The following DOCK8 variants were observed in gnomAD, a reference collection of about 807,000 sequenced individuals.
The protein encoded by DOCK8 is dedicator of cytokinesis 8, also known as dedicator of cytokinesis protein 8.
DOCK8 carries 141 observed loss-of-function variants against 245.6 expected under a neutral mutation model. That is an observed-to-expected ratio of 0.57 (90% CI 0.50 to 0.66). The LOEUF is 0.66. DOCK8 is among the 30% of genes least tolerant of loss of function. The pLI is 0.00. For missense variants in DOCK8, 2,965 were observed against 2,603.4 expected (o/e 1.14, Z -3.02); for synonymous variants, 1,168 against 970.2 (o/e 1.20, Z -3.79).
chr9:415,717 A>T (rs539276177), intron 29 of DOCK8, among the ~76,000 whole-genome samples: 1 of 123,030 alleles, frequency 8.1e-6, no homozygotes, highest in Admixed American at 8.3e-5. Flanking sequence ...CACAATTCCT[A>T]TCCCATCAGA....
chr9:384,831 G>T (rs2053882180), intron 22 of DOCK8, among the ~76,000 whole-genome samples: 1 of 152,146 alleles, frequency 6.6e-6, no homozygotes, highest in Admixed American at 6.5e-5. Context: ...CAGGAGAATG[G>T]CGTGAACCCG....
chr9:439,911 C>T (rs1587054852), intron 40 of DOCK8, among the ~76,000 whole-genome samples: 1 of 152,134 alleles, frequency 6.6e-6, no homozygotes, highest in Non-Finnish European at 1.5e-5. Flanking sequence ...ACTGAGACTC[C>T]TCTGGTTAAC....
chr9:282,407 CG>C (rs1242240037), intron 2 of DOCK8, among the ~76,000 whole-genome samples: 24 of 134,424 alleles, frequency 1.8e-4, no homozygotes, highest in African/African-American at 6.7e-4. Flanking sequence ...CTTTTTGTTT[CG>C]TTTTGTTTTT....
chr9:425,324 A>G (rs2056440710), intron 33 of DOCK8, among the ~76,000 whole-genome samples: 4 of 152,226 alleles, frequency 2.6e-5, no homozygotes, highest in African/African-American at 9.6e-5. Flanking sequence ...CGAGGTCAGG[A>G]GATCGAGACC....
At chr9:277,454 A>AGAG (rs2048391469) in intron 2 of DOCK8, among the ~76,000 whole-genome samples, 2 of 63,508 alleles carry the variant, frequency 3.1e-5, no homozygotes, top group African/African-American at 2.3e-4. Flanking sequence ...AGGAGAAGAG[A>AGAG]AAGAGAGAAG....
intron 1 of DOCK8, among the ~76,000 whole-genome samples, chr9:231,560 A>G (rs983487157): frequency 1.3e-5 from 2 of 152,004 alleles, no homozygotes; most frequent in Admixed American, 6.6e-5. Flanking sequence ...ATTTGTTTGT[A>G]TCCTCTTTTA....
chr9:305,317 C>G (rs1444474710), intron 5 of DOCK8, among the ~76,000 whole-genome samples: 1 of 151,158 alleles, frequency 6.6e-6, no homozygotes, highest in Non-Finnish European at 1.5e-5. Flanking sequence ...GAGTCTCGCT[C>G]TGTCGCCCAG....
In DOCK8 at chr9:270,220, G is replaced by T. The variant is rs1256992062; in HGVS notation, c.54-1407G>T. Among the ~76,000 whole-genome samples the T allele has an allele frequency of 2.0e-5, 3 of 152,294 alleles. No individual in the cohort carries two copies. The South Asian group carries it at 6.2e-4, about 32-fold the overall frequency. ...GCTGTAGAAAATTAAGGAGCAAAAT[G>T]TATGCTTGCAGCTACAGCTTCCTCT... On this transcript the variant is annotated intron_variant, in intron 1 of 47. Transcript: ENST00000432829.
At chr9:410,466 C>T (rs2055671088) in intron 28 of DOCK8, among the ~76,000 whole-genome samples, 1 of 151,988 alleles carries the variant, frequency 6.6e-6, no homozygotes, top group Non-Finnish European at 1.5e-5. Context: ...ATTTGGGCTG[C>T]TTTCTATTTG....
At chr9:245,372 T>C (rs1293568064) in intron 1 of DOCK8, among the ~76,000 whole-genome samples, 1 of 151,956 alleles carries the variant, frequency 6.6e-6, no homozygotes, top group East Asian at 1.9e-4. Flanking sequence ...GCCTGGCTGA[T>C]TTTTTTGTAT....
intron 1 of DOCK8, among the ~76,000 whole-genome samples, chr9:271,204 A>G (rs1221028199): frequency 2.0e-5 from 3 of 152,214 alleles, no homozygotes; most frequent in African/African-American, 7.2e-5. Context: ...CCAGTCAGCC[A>G]AAAGGGTTCA....
intron 1 of DOCK8, among the ~76,000 whole-genome samples, chr9:251,979 T>C (rs1056681052): frequency 4.1e-5 from 6 of 148,128 alleles, no homozygotes; most frequent in African/African-American, 4.9e-5. Flanking sequence ...TTTCTTTTTT[T>C]TTTTTTTTTT....
chr9:259,968 G>A (rs1429463497), intron 1 of DOCK8, among the ~76,000 whole-genome samples: 1 of 152,238 alleles, frequency 6.6e-6, no homozygotes, highest in African/African-American at 2.4e-5. Flanking sequence ...GCCAGGCTAT[G>A]TGGCTTTGTT....
At chr9:282,808 C>A (rs2048648503) in intron 2 of DOCK8, among the ~76,000 whole-genome samples, 1 of 152,160 alleles carries the variant, frequency 6.6e-6, no homozygotes, top group African/African-American at 2.4e-5. Context: ...CATGAGGCTT[C>A]TACTCACTAG....
intron 28 of DOCK8, among the ~76,000 whole-genome samples, chr9:408,456 C>G (rs1470847295): frequency 6.6e-6 from 1 of 152,138 alleles, no homozygotes; most frequent in Non-Finnish European, 1.5e-5. Context: ...TCTATCTTCT[C>G]TTCTCAACTC....
intron 21 of DOCK8, 82 bp from the exon 22 acceptor site, chr9:382,431 A>G (rs1188978041): frequency 9.6e-6 from 15 of 1,558,882 alleles, no homozygotes; most frequent in South Asian, 3.4e-5. Flanking sequence ...CATCCACCCT[A>G]TCCCTCTTCA....
At chr9:391,711 A>G (rs970094744) in intron 24 of DOCK8, among the ~76,000 whole-genome samples, 8 of 152,118 alleles carry the variant, frequency 5.3e-5, no homozygotes, top group African/African-American at 1.9e-4. Flanking sequence ...GACACCAACT[A>G]TATAAAAATA....
In DOCK8 at chr9:429,771, TGCA is replaced by T. The variant is rs1243141613; in HGVS notation, c.4553_4555del (p.Ser1518del). Reference sequence around the variant, plus strand: ...CCTATGTCACCAAGTCCTGCACCACTGCAGCAGCAGCATGGATGTCACCCGGAG... The same window carrying T: ...CCTATGTCACCAAGTCCTGCACCACTGCAGCAGCATGGATGTCACCCGGAG... On this transcript the variant is annotated inframe_deletion, in exon 36 of 48. Transcript: ENST00000432829. 6.2e-6 allele frequency: 10 copies of T among 1,614,068 alleles called. No individual in the cohort carries two copies. The highest frequency in any genetic ancestry group is 2.2e-5 in the East Asian group (1 of 44,886).
chr9:231,590 G>T (rs922024602), intron 1 of DOCK8, among the ~76,000 whole-genome samples: 1 of 152,080 alleles, frequency 6.6e-6, no homozygotes, highest in East Asian at 1.9e-4. Flanking sequence ...GCAGTGGTTT[G>T]TAGTTCTTGA....
Sources: gnomAD v4.1 joint callset for allele counts (sites outside exome capture counted in the v4.1 genomes callset) on GRCh38, gnomAD v4.1.1 for gene constraint, MANE v1.5 for transcripts, NCBI Gene and HGNC (gene_info 2026-07-23, HGNC 2026-07-21) for gene names.